Variants in MOV10L1 observed in about 807,000 individuals in gnomAD.
MOV10L1 encodes the protein Mov10 like RNA helicase 1, also known as RNA helicase Mov10l1.
MOV10L1 carries 110 observed loss-of-function variants against 143.8 expected under a neutral mutation model. That is an observed-to-expected ratio of 0.76 (90% CI 0.66 to 0.90). The LOEUF (loss-of-function observed/expected upper bound fraction) is 0.90, where lower values mean the gene tolerates loss of function less well. MOV10L1 is among the 40% of genes least tolerant of loss of function. MOV10L1 has a pLI of 0.00. For missense variants in MOV10L1, 1,406 were observed against 1,526.8 expected, an observed-to-expected ratio of 0.92 and a Z score of 1.32; for synonymous variants, 593 against 581.1, an observed-to-expected ratio of 1.02 and a Z score of -0.29.
At chr22:50,131,455 T>C (rs1399968608) in intron 13 of MOV10L1, among the ~76,000 whole-genome samples, 2 of 152,188 alleles carry the variant, frequency 1.3e-5, no homozygotes, top group Admixed American at 6.5e-5. Flanking sequence ...TTTGGTGAAG[T>C]CCAGTTTATG....
chr22:50,110,995 G>A (rs1484660036), intron 5 of MOV10L1, among the ~76,000 whole-genome samples: 2 of 152,094 alleles, frequency 1.3e-5, no homozygotes, highest in African/African-American at 2.4e-5. Flanking sequence ...TAGCCATGAC[G>A]AGGCTTCCCT....
chr22:50,114,590 G>A lies in MOV10L1; in HGVS notation c.1094G>A (p.Ser365Asn), dbSNP rs1246569472. Residue 365 changes from serine to asparagine, a missense_variant, in exon 7 of 27, where the codon AGC becomes AAC. Physicochemically the swap from Ser to Asn is conservative, Grantham distance 46. Around this residue, in one of 3 missense-constraint regions of MOV10L1, gnomAD observed 1,233 missense variants for 1,351.4 expected, o/e 0.91. Transcript: ENST00000262794. ...TKNKTSQMSE[S>N]SLVNNRGISP... ...AACAAAACCTCTCAGATGTCGGAGA[G>A]CAGTTTGGTGAACAACAGAGGAATC... is the stretch of plus-strand genomic sequence containing the variant. 2.8e-5 allele frequency: 46 copies of A among 1,614,130 alleles called. No homozygotes were observed. Among genetic ancestry groups the A allele is most frequent in the Non-Finnish European group, 3.8e-5 (45 of 1,180,020 alleles).
intron 5 of MOV10L1, among the ~76,000 whole-genome samples, chr22:50,112,277 C>G (rs374186887): frequency 8.4e-4 from 128 of 152,346 alleles, no homozygotes; most frequent in African/African-American, 3.0e-3. Context: ...CTGGGACGCA[C>G]AGGAGCTCTG....
At chr22:50,149,806 G>A (rs761079997) in intron 20 of MOV10L1, 92 bp downstream of exon 20, 58 of 1,190,896 alleles carry the variant, frequency 4.9e-5, no homozygotes, top group Non-Finnish European at 6.8e-5. Context: ...AGTCACAGCT[G>A]TACAGGGGTC....
At chr22:50,143,827 C>T (rs1274825371) in intron 17 of MOV10L1, among the ~76,000 whole-genome samples, 2 of 149,026 alleles carry the variant, frequency 1.3e-5, no homozygotes, top group African/African-American at 2.4e-5. Flanking sequence ...TACCACACGC[C>T]AGATGTGTGC....
rs888408724 is a variant in MOV10L1 at position 50,120,574 on chromosome 22, A to G, written c.1527A>G (p.Glu509=). 1 of 1,613,762 alleles carries G rather than the reference A, an allele frequency of 6.2e-7. No homozygotes were observed. Among genetic ancestry groups the G allele is most frequent in the Non-Finnish European group, 8.5e-7 (1 of 1,179,840 alleles). ...PIPDRLRKCV[E]QKIDILTFQP... ...CAGATAGACTTAGAAAATGTGTGGA[A>G]CAAAAAATTGACATCCTGACTTTCC... The change falls in exon 10 of 27, where the codon GAA becomes GAG. Residue 509 remains glutamate, a synonymous_variant. Coordinates refer to ENST00000262794, the MANE Select transcript of MOV10L1 (RefSeq NM_018995.3).
At chr22:50,115,277 G>C (rs371323017) in intron 8 of MOV10L1, 31 bp downstream of exon 8, 8 of 1,461,678 alleles carry the variant, frequency 5.5e-6, no homozygotes, top group South Asian at 1.5e-5. Context: ...GGAGAGCCGC[G>C]TTTTTAAGTT....
intron 19 of MOV10L1, among the ~76,000 whole-genome samples, chr22:50,148,663 CTTT>C (rs66866727): frequency 1.2e-4 from 17 of 139,978 alleles, no homozygotes; most frequent in African/African-American, 1.1e-4. Context: ...TTCTTTTTTT[CTTT>C]TTTTTTTTTT....
intron 26 of MOV10L1, 75 bp downstream of exon 26, chr22:50,161,130 C>A: frequency 6.9e-7 from 1 of 1,446,102 alleles, no homozygotes; most frequent in Non-Finnish European, 9.7e-7. Context: ...CCCTGCTCCC[C>A]TCACCCCCAT....
chr22:50,158,438 C>T lies in MOV10L1; in HGVS notation c.3216+232C>T, dbSNP rs2063481068. 1 of 536,976 alleles carries T rather than the reference C, an allele frequency of 1.9e-6. No homozygotes were observed. Among genetic ancestry groups the T allele is most frequent in the Non-Finnish European group, 3.3e-6 (1 of 306,274 alleles). The allele number at this position is 536,976 out of a possible 1,614,324, so 33.3% of individuals were successfully genotyped here. A position where few individuals can be genotyped will look rare whatever the true frequency, so the allele number is the denominator to read the frequency against. On this transcript the variant is annotated intron_variant, in intron 23 of 26. Coordinates refer to ENST00000262794, the MANE Select transcript of MOV10L1 (RefSeq NM_018995.3). This position sits in a 1 kb window ranked among gnomAD's most constrained non-coding sequence, Gnocchi z 5.0. ...CGGCCAGAGCCTCGAACAGTTTTTACATTTCTAAATGGTTACATTTATATG... is the reference window on the plus strand; with the variant it reads ...CGGCCAGAGCCTCGAACAGTTTTTATATTTCTAAATGGTTACATTTATATG...
chr22:50,144,620 C>G lies in MOV10L1; in HGVS notation c.2505+377C>G, dbSNP rs113464463. ...TTTTTGAGACGGAGTCTCGCTGTGT[C>G]GCCCAGGCTGAAGTGCAGTGGCATG... is the stretch of plus-strand genomic sequence containing the variant. On this transcript the variant is annotated intron_variant, in intron 18 of 26. Transcript: ENST00000262794. 6.0e-5 allele frequency among the ~76,000 whole-genome samples: 9 copies of G among 150,196 alleles called. No homozygotes were observed. The Admixed American group carries it at 6.0e-4, about 10-fold the overall frequency.
intron 3 of MOV10L1, among the ~76,000 whole-genome samples, chr22:50,103,263 C>G (rs897687910): frequency 5.3e-5 from 8 of 152,228 alleles, no homozygotes; most frequent in African/African-American, 1.9e-4. Context: ...TCCCCCAGCC[C>G]TGGCCTGCTC....
chr22:50,136,255 G>C (rs530422020), intron 15 of MOV10L1, among the ~76,000 whole-genome samples: 1 of 152,014 alleles, frequency 6.6e-6, no homozygotes, highest in Non-Finnish European at 1.5e-5. Flanking sequence ...CCTGATTCTC[G>C]GGGAGAGTCT....
intron 21 of MOV10L1, among the ~76,000 whole-genome samples, chr22:50,151,688 C>T (rs1365669642): frequency 6.6e-6 from 1 of 152,248 alleles, no homozygotes; most frequent in African/African-American, 2.4e-5. Context: ...GGAGGTTCGC[C>T]TCATCCTCCA....
rs1258888857 is a variant in MOV10L1, at chr22:50,126,249, G to A, written c.1795G>A (p.Glu599Lys). ...TCAAGAGTACAATGGACATGCCATC[G>A]AATACATCAGCTACGTGACTGAGGT... ...KTQEYNGHAI[E>K]YISYVTEIHE... Residue 599 changes from glutamate (E) to lysine (K), a missense_variant, in exon 12 of 27, where the codon GAA (glutamate) becomes AAA (lysine). Transcript: ENST00000262794. 9 of 1,612,354 alleles carry A rather than the reference G, an allele frequency of 5.6e-6. No individual in the cohort carries two copies. The East Asian group carries it at 1.1e-4, about 20-fold the overall frequency.
chr22:50,117,042 G>T, intron 8 of MOV10L1, 115 bp from the exon 9 acceptor site: 2 of 886,486 alleles, frequency 2.3e-6, no homozygotes, highest in Non-Finnish European at 3.4e-6. Flanking sequence ...AAGAATTATT[G>T]AAGACTAAAG....
intron 12 of MOV10L1, 82 bp from the exon 13 acceptor site, chr22:50,128,331 TAGA>T (rs1479219029): frequency 5.1e-6 from 4 of 777,286 alleles, no homozygotes; most frequent in Non-Finnish European, 6.6e-6. Flanking sequence ...CTCAGAGCTA[TAGA>T]ATGAATTTTT....
At position 50,144,196 on chromosome 22, in the gene MOV10L1, C is replaced by T. The variant is rs200370968; in HGVS notation, c.2458C>T (p.Gln820Ter). The T allele has an allele frequency of 8.1e-6, 13 of 1,612,014 alleles. No individual in the cohort carries two copies. Among genetic ancestry groups the T allele is most frequent in the Non-Finnish European group, 1.1e-5 (13 of 1,178,400 alleles). ...CLRLHESKVL[Q>*]PATMVRVNAT... The stretch of plus-strand genomic sequence containing the variant: ...GCGGCTGCACGAGAGCAAGGTGCTA[C>T]AGCCGGCCACCATGGTCCGGGTGAA... Residue 820 changes from glutamine to a stop codon, truncating the protein, a stop_gained, in exon 18 of 27, where the codon CAG becomes TAG. Transcript: ENST00000262794. LOFTEE classifies it high-confidence loss of function.
chr22:50,115,203 C>T lies in MOV10L1; in HGVS notation c.1216C>T (p.Pro406Ser). ...MTEPEPGGLV[P>S]PGGKTFIVVI... is the part of the protein sequence containing the mutation. ...AGAGCCTGAGCCTGGGGGGCTTGTC[C>T]CTCCAGGGGGAAAAACCTTCATTGT... Residue 406 changes from proline to serine, a missense_variant, in exon 8 of 27, where the codon CCT (proline) becomes TCT (serine). By Grantham distance (74) the Pro-to-Ser change is moderately conservative. Around this residue, in one of 3 missense-constraint regions of MOV10L1, gnomAD observed 1,233 missense variants for 1,351.4 expected, o/e 0.91. Transcript: ENST00000262794. The T allele has an allele frequency of 1.1e-5, 17 of 1,546,486 alleles. No homozygotes were observed. Among genetic ancestry groups the T allele is most frequent in the Non-Finnish European group, 1.5e-5 (17 of 1,156,444 alleles).
Sources: allele counts gnomAD v4.1 joint callset (sites outside exome capture counted in the v4.1 genomes callset), GRCh38; gene constraint gnomAD v4.1.1; regional missense constraint gnomAD v4.1.1; non-coding constraint Gnocchi (gnomAD v3.1); transcripts MANE v1.5; gene names NCBI Gene and HGNC (gene_info 2026-07-23, HGNC 2026-07-21).